Variants in PGAP3 observed in about 807,000 individuals in gnomAD.
PGAP3 encodes post-GPI attachment to proteins phospholipase 3, also known as GPI-specific phospholipase A2-like PGAP3.
In PGAP3, 31 loss-of-function variants were observed where a neutral mutation model predicts 40.3. The observed-to-expected ratio is 0.77, with a 90% CI of 0.58 to 1.04. The LOEUF (loss-of-function observed/expected upper bound fraction) is 1.04, where lower values mean the gene tolerates loss of function less well. Among genes scored for constraint, PGAP3 ranks in the 50% least tolerant of loss-of-function variants. The pLI is 0.00. For synonymous variants in PGAP3, 191 were observed against 184.5 expected, an observed-to-expected ratio of 1.04 and a Z score of -0.29; for missense variants, 413 against 423.0, an observed-to-expected ratio of 0.98 and a Z score of 0.21.
rs201861533 is a variant in PGAP3 at position 39,681,029 on chromosome 17, A to AT, written c.432+3567dup. ...GGGCATGTGCCACCAGGCCTGGCTT[A>AT]TTTTTTTTGTATTTTTGGTAGAGAC... On this transcript the variant is annotated intron_variant, in intron 3 of 7. Transcript: ENST00000300658. Among the ~76,000 whole-genome samples, 453 of 151,756 alleles carry AT rather than the reference A, an allele frequency of 3.0e-3. 3 individuals carry two copies. In the Middle Eastern group the frequency reaches 0.065, roughly 22 times the overall value.
At chr17:39,685,875 C>T in intron 2 of PGAP3, 47 bp downstream of exon 2, 1 of 1,548,224 alleles carries the variant, frequency 6.5e-7, no homozygotes, top group Non-Finnish European at 8.9e-7. Flanking sequence ...GGGTATATTA[C>T]TCCTACCACG....
chr17:39,687,216 G>A (rs1469694220), intron 1 of PGAP3, among the ~76,000 whole-genome samples: 1 of 152,140 alleles, frequency 6.6e-6, no homozygotes, highest in East Asian at 1.9e-4. Context: ...TGTGACCTTG[G>A]GCAGGGCATT....
At chr17:39,675,521 G>C (rs2057365709) in intron 3 of PGAP3, among the ~76,000 whole-genome samples, 2 of 152,234 alleles carry the variant, frequency 1.3e-5, no homozygotes, top group Non-Finnish European at 2.9e-5. Flanking sequence ...CAAAGGAACA[G>C]CAGGCCAGGC....
Position 39,673,142 on chromosome 17 carries a change from C to T in PGAP3, c.808G>A (p.Glu270Lys), listed in dbSNP as rs532257048. The T allele has an allele frequency of 5.6e-6, 9 of 1,602,682 alleles. No homozygotes were observed. The South Asian group carries it at 5.6e-5, about 10-fold the overall frequency. Residue 270 changes from glutamate to lysine, a missense_variant, in exon 7 of 8, where the codon GAG (glutamate) becomes AAG (lysine). Coordinates refer to ENST00000300658, the MANE Select transcript of PGAP3 (RefSeq NM_033419.5). ...AAGAGCGGTGGGAAGTCAAGCAGCT[C>T]GAGCAGGGACAGCCCCTGCAGCAGC... Reference protein sequence around the residue: ...VLLLQGLSLLELLDFPPLFWV... With the variant: ...VLLLQGLSLLKLLDFPPLFWV...
intron 3 of PGAP3, among the ~76,000 whole-genome samples, chr17:39,677,075 A>G (rs2934951): frequency 0.59 from 90,006 of 152,054 alleles, 27,680 homozygotes; most frequent in South Asian, 0.7. Flanking sequence ...CTCAGCCCCT[A>G]CGCAGCTGTG....
intron 1 of PGAP3, among the ~76,000 whole-genome samples, chr17:39,686,708 G>T (rs1231923487): frequency 6.6e-6 from 1 of 151,826 alleles, no homozygotes; most frequent in Non-Finnish European, 1.5e-5. Flanking sequence ...ACAATGTCTG[G>T]CTAATTCTTT....
rs1002179754 is a variant in PGAP3, at chr17:39,685,864, G to C, written c.279+58C>G. ...TGCTTGGACAGTGTGGTCCAACCAG[G>C]GGGTATATTACTCCTACCACGCTAC... On this transcript the variant is annotated intron_variant, in intron 2 of 7. Coordinates refer to ENST00000300658, the MANE Select transcript of PGAP3 (RefSeq NM_033419.5). 14 of 1,491,582 alleles carry C rather than the reference G, an allele frequency of 9.4e-6. No individual in the cohort carries two copies. In the Admixed American group the frequency reaches 2.4e-4, roughly 26 times the overall value. 92.4% of individuals were successfully genotyped at this position (1,491,582 alleles called of 1,614,324 possible).
intron 3 of PGAP3, among the ~76,000 whole-genome samples, chr17:39,679,771 C>T (rs1290808419): frequency 2.0e-5 from 3 of 152,192 alleles, no homozygotes; most frequent in African/African-American, 4.8e-5. Context: ...TCAGGGGCCT[C>T]TCTGCTCCAT....
rs2057483842 is a variant in PGAP3 at position 39,684,584 on chromosome 17, C to G, written c.432+13G>C. On this transcript the variant is annotated intron_variant, in intron 3 of 7. Transcript: ENST00000300658. ...ATAAGAGGAGACAGCAGGAGTCCTG[C>G]TAGGTTACCTACCCAGGCGAAGGCC... is the stretch of plus-strand genomic sequence containing the variant. The G allele has an allele frequency of 1.9e-6, 3 of 1,604,364 alleles. No homozygotes were observed. Among genetic ancestry groups the G allele is most frequent in the Non-Finnish European group, 2.6e-6 (3 of 1,175,170 alleles).
At chr17:39,673,749 T>C in intron 5 of PGAP3, 99 bp from the exon 6 acceptor site, 2 of 1,501,768 alleles carry the variant, frequency 1.3e-6, no homozygotes, top group Non-Finnish European at 1.8e-6. Flanking sequence ...GCATGGCCCC[T>C]GAAGTCACTA....
At chr17:39,687,089 G>A (rs140129241) in intron 1 of PGAP3, among the ~76,000 whole-genome samples, 131 of 152,160 alleles carry the variant, frequency 8.6e-4, no homozygotes, top group African/African-American at 3.0e-3. Flanking sequence ...ATCTGCCCAG[G>A]GCATCCATTC....
chr17:39,676,438 T>C (rs981411837), intron 3 of PGAP3, among the ~76,000 whole-genome samples: 11 of 152,024 alleles, frequency 7.2e-5, no homozygotes, highest in South Asian at 4.1e-4. Flanking sequence ...GGGGTGTGTG[T>C]GCGGGCAAAC....
In PGAP3 at chr17:39,672,857, T is replaced by C; in HGVS notation, c.909A>G (p.Glu303=). The change falls in exon 8 of 8, where the codon GAA becomes GAG. Residue 303 remains glutamate, a synonymous_variant. Coordinates refer to ENST00000300658, the MANE Select transcript of PGAP3 (RefSeq NM_033419.5). ...PVHVLFFSFL[E]DDSLYLLKES... ...CCTTCAGCAGGTACAGGCTGTCATC[T>C]TCCAGAAAGCTGTGGGCCAAAGGAG... 1 of 1,614,126 alleles carries C rather than the reference T, an allele frequency of 6.2e-7. No individual in the cohort carries two copies.
At chr17:39,677,598 C>T (rs537616085) in intron 3 of PGAP3, among the ~76,000 whole-genome samples, 1 of 152,256 alleles carries the variant, frequency 6.6e-6, no homozygotes, top group East Asian at 1.9e-4. Context: ...TTGCCACGCT[C>T]AAGTGAAGGG....
intron 3 of PGAP3, among the ~76,000 whole-genome samples, chr17:39,679,712 C>T (rs557543579): frequency 1.1e-4 from 16 of 152,286 alleles, no homozygotes; most frequent in South Asian, 2.1e-4. Flanking sequence ...CAGTGTGTGC[C>T]GATGCCAGGC....
At chr17:39,676,429 G>A (rs775053793) in intron 3 of PGAP3, among the ~76,000 whole-genome samples, 1 of 152,168 alleles carries the variant, frequency 6.6e-6, no homozygotes, top group African/African-American at 2.4e-5. Flanking sequence ...CGAAAGCAGG[G>A]GGTGTGTGTG....
At chr17:39,684,565 G>C in intron 3 of PGAP3, 32 bp downstream of exon 3, 1 of 1,582,356 alleles carries the variant, frequency 6.3e-7, no homozygotes, top group Non-Finnish European at 8.6e-7. Context: ...CTAGATAAGA[G>C]GAGACAGCAG....
At chr17:39,685,788 G>A in intron 2 of PGAP3, 134 bp downstream of exon 2, 1 of 719,888 alleles carries the variant, frequency 1.4e-6, no homozygotes, top group South Asian at 1.7e-5. Flanking sequence ...CAGATTTTGG[G>A]GAGAACAGGT....
chr17:39,687,735 G>A, intron 1 of PGAP3, 99 bp downstream of exon 1: 2 of 963,108 alleles, frequency 2.1e-6, no homozygotes, highest in Non-Finnish European at 2.8e-6. Context: ...AAGAGACCTC[G>A]TGGGGAAACT....
Sources: allele counts gnomAD v4.1 joint callset (sites outside exome capture counted in the v4.1 genomes callset), GRCh38; gene constraint gnomAD v4.1.1; transcripts MANE v1.5; gene names NCBI Gene and HGNC (gene_info 2026-07-23, HGNC 2026-07-21).